APLP2: variants seen among roughly 807,000 people sequenced by gnomAD.
APLP2 encodes the protein CDEI box-binding protein.
APLP2 carries 53 observed loss-of-function variants against 89.9 expected under a neutral mutation model. The ratio of observed to expected loss-of-function variants is 0.59; its 90% CI spans 0.47 to 0.74. The LOEUF is 0.74. Ranked by LOEUF, APLP2 falls within the 30% of genes least tolerant of loss-of-function variation. APLP2 has a pLI of 0.00. For missense variants in APLP2, 973 were observed against 975.9 expected, an observed-to-expected ratio of 1.00 and a Z score of 0.04; for synonymous variants, 372 against 348.6, an observed-to-expected ratio of 1.07 and a Z score of -0.75.
In APLP2 at chr11:130,121,597, C is replaced by T; in HGVS notation, c.517-17C>T. On this transcript the variant is annotated splice_polypyrimidine_tract_variant and intron_variant, in intron 4 of 16. Transcript: ENST00000338167. ...ACTCTGGAGTATGTTCTGATGTGGC[C>T]TGTGGGTTTCTTTTAGGCATGTCTG... is the stretch of plus-strand genomic sequence containing the variant. 6.2e-7 allele frequency: 1 copy of T among 1,607,458 alleles called. No homozygotes were observed. The highest frequency in any genetic ancestry group is 8.5e-7 in the Non-Finnish European group (1 of 1,175,824).
chr11:130,142,023 G>C lies in APLP2; in HGVS notation c.2103G>C (p.Leu701=), dbSNP rs751976365. The change falls in exon 16 of 17, where the codon CTG becomes CTC. Residue 701 remains leucine (L), a synonymous_variant. Transcript: ENST00000338167. ...TTGCCACGGTCATCGTCATCAGCCT[G>C]GTGATGCTGAGGAAGAGGCAGTATG... ...VAIATVIVIS[L]VMLRKRQYGT... The C allele has an allele frequency of 6.8e-6, 11 of 1,613,944 alleles. No individual in the cohort carries two copies. The South Asian group carries it at 9.9e-5, about 15-fold the overall frequency.
At position 130,135,695 on chromosome 11, in the gene APLP2, C is replaced by T. The variant is rs759869255; in HGVS notation, c.1817C>T (p.Pro606Leu). ...IPPFHPFHPFPALPENEGSGV... is the reference protein window; with the variant it reads ...IPPFHPFHPFLALPENEGSGV... ...CCGTTCCACCCCTTCCACCCCTTCC[C>T]AGCCCTACCTGAGAACGAAGGTGTG... is the stretch of plus-strand genomic sequence containing the variant. Residue 606 changes from proline to leucine, a missense_variant, in exon 13 of 17, where the codon CCA becomes CTA. Coordinates refer to ENST00000338167, the MANE Select transcript of APLP2 (RefSeq NM_001142276.2). 7 of 1,614,134 alleles carry T rather than the reference C, an allele frequency of 4.3e-6. No homozygotes were observed. In the South Asian group the frequency reaches 7.7e-5, roughly 18 times the overall value.
intron 1 of APLP2, among the ~76,000 whole-genome samples, chr11:130,102,856 T>C (rs1947127584): frequency 1.3e-5 from 2 of 152,246 alleles, no homozygotes; most frequent in East Asian, 3.8e-4. Context: ...ATTAATAAAA[T>C]GGAATTTCTT....
chr11:130,090,518 G>GC (rs1260784654), intron 1 of APLP2, among the ~76,000 whole-genome samples: 1 of 151,824 alleles, frequency 6.6e-6, no homozygotes, highest in Non-Finnish European at 1.5e-5. Flanking sequence ...ATTTTGCACC[G>GC]CCCTTAATCC....
chr11:130,131,867 A>G (rs1950969581), intron 11 of APLP2, among the ~76,000 whole-genome samples: 1 of 152,112 alleles, frequency 6.6e-6, no homozygotes, highest in Non-Finnish European at 1.5e-5. Flanking sequence ...TGGGGAGAAA[A>G]CCCAGCTCTC....
At chr11:130,136,930 C>T (rs1951684990) in intron 13 of APLP2, among the ~76,000 whole-genome samples, 1 of 152,162 alleles carries the variant, frequency 6.6e-6, no homozygotes. Flanking sequence ...CCACAACCAA[C>T]ACTTAACTTC....
At chr11:130,124,034 G>A (rs1370563645) in intron 7 of APLP2, among the ~76,000 whole-genome samples, 2 of 152,166 alleles carry the variant, frequency 1.3e-5, no homozygotes, top group South Asian at 2.1e-4. Context: ...ACCCACCTTG[G>A]TATAGCGGGC....
chr11:130,103,942 A>G (rs1445622705), intron 1 of APLP2, among the ~76,000 whole-genome samples: 1 of 152,208 alleles, frequency 6.6e-6, no homozygotes, highest in Non-Finnish European at 1.5e-5. Context: ...TAGCAGGTTT[A>G]GGAAGCACAT....
At chr11:130,131,426 G>A (rs1950927375) in intron 11 of APLP2, among the ~76,000 whole-genome samples, 1 of 152,186 alleles carries the variant, frequency 6.6e-6, no homozygotes, top group Non-Finnish European at 1.5e-5. Context: ...GATATACAGA[G>A]TTCACTTCAG....
At chr11:130,122,167 G>C (rs1300386425) in intron 5 of APLP2, 138 bp from the exon 6 acceptor site, 8 of 1,031,630 alleles carry the variant, frequency 7.8e-6, no homozygotes, top group South Asian at 4.6e-5. Context: ...TGGGCCCCAG[G>C]GCTTAGTGGC....
At position 130,099,803 on chromosome 11, in the gene APLP2, G is replaced by A. The variant is rs141877929; in HGVS notation, c.106-9626G>A. ...TGTGGCCTCTTCCCTTGTGCACCTC[G>A]GGTTCAAGCCCCAGTTCTGCGCAAT... On this transcript the variant is annotated intron_variant, in intron 1 of 16. Transcript: ENST00000338167. Among the ~76,000 whole-genome samples the A allele has an allele frequency of 4.6e-5, 7 of 152,284 alleles. No individual in the cohort carries two copies. The East Asian group carries it at 7.7e-4, about 17-fold the overall frequency.
At chr11:130,115,246 T>C (rs1949036296) in intron 3 of APLP2, among the ~76,000 whole-genome samples, 1 of 152,176 alleles carries the variant, frequency 6.6e-6, no homozygotes, top group Non-Finnish European at 1.5e-5. Context: ...ATATAGTAGG[T>C]GTCTGTATTT....
chr11:130,120,560 C>T (rs543100896), intron 3 of APLP2, 146 bp from the exon 4 acceptor site: 102 of 659,128 alleles, frequency 1.5e-4, no homozygotes, highest in African/African-American at 1.3e-3. Context: ...ACCATCCAGT[C>T]AGCCTTTGAA....
rs1952441109 is a variant in APLP2 at position 130,141,863 on chromosome 11, C to T, written c.1999-56C>T. 1 of 1,559,218 alleles carries T rather than the reference C, an allele frequency of 6.4e-7. No individual in the cohort carries two copies. The highest frequency in any genetic ancestry group is 8.7e-7 in the Non-Finnish European group (1 of 1,145,492). On this transcript the variant is annotated intron_variant, in intron 15 of 16. Coordinates refer to ENST00000338167, the MANE Select transcript of APLP2 (RefSeq NM_001142276.2). The surrounding 1 kb of genome is among the most constrained non-coding windows in gnomAD (Gnocchi z 4.2). ...GCGTGGCCCTCAGTGAGTTACTTGC[C>T]TCACGGCTGCCAGATGGTCACTGGG...
chr11:130,121,539 A>T, intron 4 of APLP2, 75 bp from the exon 5 acceptor site: 5 of 1,444,052 alleles, frequency 3.5e-6, no homozygotes, highest in Non-Finnish European at 4.6e-6. Context: ...TTTATTTTGG[A>T]GGGTAGAGAT....
At chr11:130,087,213 C>T (rs143169267) in intron 1 of APLP2, among the ~76,000 whole-genome samples, 7 of 152,300 alleles carry the variant, frequency 4.6e-5, no homozygotes, top group Admixed American at 2.0e-4. Context: ...CTGTCATCAG[C>T]GTCCTCACTG....
intron 3 of APLP2, among the ~76,000 whole-genome samples, chr11:130,119,308 C>T (rs1949558012): frequency 1.3e-5 from 2 of 152,236 alleles, no homozygotes; most frequent in African/African-American, 4.8e-5. Context: ...GTGTGGAGCA[C>T]ATGGCAGACG....
chr11:130,078,523 T>C (rs1216568846), intron 1 of APLP2, among the ~76,000 whole-genome samples: 1 of 152,226 alleles, frequency 6.6e-6, no homozygotes, highest in Non-Finnish European at 1.5e-5. Context: ...TTTTGTATCC[T>C]GTTTGAGAAG....
chr11:130,089,710 A>C (rs1240788374), intron 1 of APLP2, among the ~76,000 whole-genome samples: 1 of 152,248 alleles, frequency 6.6e-6, no homozygotes, highest in African/African-American at 2.4e-5. Flanking sequence ...GTCCCAGTTC[A>C]AGGTGTTAGC....
Sources: allele counts gnomAD v4.1 joint callset (sites outside exome capture counted in the v4.1 genomes callset), GRCh38; gene constraint gnomAD v4.1.1; non-coding constraint Gnocchi (gnomAD v3.1); transcripts MANE v1.5; gene names NCBI Gene and HGNC (gene_info 2026-07-23, HGNC 2026-07-21).